Variants in CHIC1 observed in about 807,000 individuals in gnomAD.
CHIC1 encodes the protein cysteine rich hydrophobic domain 1, also known as cysteine-rich hydrophobic domain-containing protein 1.
In CHIC1, 7 loss-of-function variants were observed where a neutral mutation model predicts 18.5. The ratio of observed to expected loss-of-function variants is 0.38; its 90% confidence interval spans 0.22 to 0.71. The LOEUF (loss-of-function observed/expected upper bound fraction) is 0.71. CHIC1 is among the 30% of genes least tolerant of loss of function. CHIC1 has a pLI of 0.49. For synonymous variants in CHIC1, 77 were observed against 73.5 expected, an observed-to-expected ratio of 1.05 and a Z score of -0.25; for missense variants, 159 against 176.9, an observed-to-expected ratio of 0.90 and a Z score of 0.57.
chrX:73,649,181 C>A (rs765197301), intron 3 of CHIC1, among the ~76,000 whole-genome samples: 1 of 111,614 alleles, frequency 9.0e-6, no homozygotes, highest in African/African-American at 3.3e-5. Context: ...GCCTTCCTTG[C>A]AAGAGCTCCT....
At chrX:73,598,037 T>A (rs2057619865) in intron 3 of CHIC1, among the ~76,000 whole-genome samples, 1 of 111,632 alleles carries the variant, frequency 9.0e-6, no homozygotes, top group South Asian at 3.7e-4. Flanking sequence ...GCATTTGGGT[T>A]GGTTCCAAGT....
intron 3 of CHIC1, among the ~76,000 whole-genome samples, chrX:73,670,534 AG>A (rs2058025014): frequency 9.1e-6 from 1 of 110,258 alleles, no homozygotes; most frequent in Non-Finnish European, 1.9e-5. Context: ...GACTAATTTT[AG>A]GTTTGGTTGG....
At chrX:73,659,620 C>G (rs1252990552) in intron 3 of CHIC1, among the ~76,000 whole-genome samples, 1 of 111,148 alleles carries the variant, frequency 9.0e-6, no homozygotes, top group African/African-American at 3.3e-5. Flanking sequence ...AAGAGGCGAA[C>G]CAAGCCTGTC....
At chrX:73,630,733 C>G (rs894911796) in intron 3 of CHIC1, among the ~76,000 whole-genome samples, 4 of 111,831 alleles carry the variant, frequency 3.6e-5, no homozygotes, top group African/African-American at 1.3e-4. Context: ...GCTTTGGTAT[C>G]AGGGTAATGC....
At chrX:73,643,014 C>T (rs1386654020) in intron 3 of CHIC1, among the ~76,000 whole-genome samples, 5 of 111,830 alleles carry the variant, frequency 4.5e-5, no homozygotes, top group African/African-American at 6.5e-5. Context: ...GCCGGTTGTT[C>T]CTTTCCATGT....
intron 3 of CHIC1, among the ~76,000 whole-genome samples, chrX:73,655,603 GTATA>G (rs1293643570): frequency 1.2e-5 from 1 of 83,599 alleles, no homozygotes; most frequent in Non-Finnish European, 2.3e-5. Context: ...ACAATATTGT[GTATA>G]TATAGTGTGT....
intron 3 of CHIC1, among the ~76,000 whole-genome samples, chrX:73,604,456 G>A (rs1415343363): frequency 1.8e-5 from 2 of 108,397 alleles, no homozygotes; most frequent in Non-Finnish European, 3.8e-5. Flanking sequence ...CAAAAAACCA[G>A]TTCCTGGATT....
chrX:73,669,092 C>T (rs2058018002), intron 3 of CHIC1, among the ~76,000 whole-genome samples: 1 of 112,007 alleles, frequency 8.9e-6, no homozygotes, highest in Non-Finnish European at 1.9e-5. Context: ...AAGAAGCAGT[C>T]TGGTCATGCC....
In CHIC1 at chrX:73,632,825, G is replaced by A. The variant is rs778959490; in HGVS notation, c.508-46501G>A. The stretch of plus-strand genomic sequence containing the variant: ...GCTCTGTCACCCAGGCTGGAGTGCA[G>A]TGGCACAATCTCAGCTGACTGCAAG... On this transcript the variant is annotated intron_variant, in intron 3 of 5. Coordinates refer to ENST00000373502, the MANE Select transcript of CHIC1 (RefSeq NM_001039840.4). 2.0e-3 allele frequency among the ~76,000 whole-genome samples: 193 copies of A among 94,993 alleles called. 1 individual carries two copies. Among genetic ancestry groups the A allele is most frequent in the African/African-American group, 7.2e-3 (178 of 24,805 alleles). 82.5% of individuals were successfully genotyped at this position (94,993 alleles called of 115,157 possible).
chrX:73,563,369 TCGTCGTCGC>T lies in CHIC1; in HGVS notation c.94_102del (p.Pro32_Ser34del), dbSNP rs1394164386. 5 of 1,155,766 alleles carry T rather than the reference TCGTCGTCGC, an allele frequency of 4.3e-6. No homozygotes were observed. The highest frequency in any genetic ancestry group is 2.0e-5 in the South Asian group (1 of 50,973). The stretch of plus-strand genomic sequence containing the variant: ...GGAGGAAGAAGAAGCGGCAACGTCG[TCGTCGTCGC>T]CGTCGTCGTCGTCGTCGGTATCTGG... On this transcript the variant is annotated inframe_deletion, in exon 1 of 6. Transcript: ENST00000373502.
At chrX:73,631,679 A>G (rs1218652978) in intron 3 of CHIC1, among the ~76,000 whole-genome samples, 1 of 111,590 alleles carries the variant, frequency 9.0e-6, no homozygotes, top group Non-Finnish European at 1.9e-5. Context: ...ATTTATCACT[A>G]TAAACTTTCC....
At chrX:73,628,244 C>T (rs2057792386) in intron 3 of CHIC1, among the ~76,000 whole-genome samples, 1 of 111,601 alleles carries the variant, frequency 9.0e-6, no homozygotes, top group Non-Finnish European at 1.9e-5. Flanking sequence ...AGCTGTGCAG[C>T]CTGAGTTTAG....
chrX:73,563,334 TGGAGGA>T lies in CHIC1; in HGVS notation c.60_65del (p.Glu23_Glu24del), dbSNP rs773550444. ...GCGGAGTTCGACACCATCTCGGAAC[TGGAGGA>T]GGAGGAGGAAGAAGAAGCGGCAACG... On this transcript the variant is annotated inframe_deletion, in exon 1 of 6. Transcript: ENST00000373502. The T allele has an allele frequency of 2.0e-5, 23 of 1,142,610 alleles. No individual in the cohort carries two copies. The African/African-American group carries it at 4.3e-4, about 21-fold the overall frequency. 94.2% of individuals were successfully genotyped at this position (1,142,610 alleles called of 1,213,427 possible).
rs1213794595 is a variant in CHIC1 at position 73,684,714 on chromosome X, A to G, written c.*3709A>G. ...TTAAAAATATTTTGCAACAACTGTC[A>G]AATTATTTGGGTTCCTTTAAATAGC... On this transcript the variant is annotated 3_prime_UTR_variant, in exon 6 of 6. Coordinates refer to ENST00000373502, the MANE Select transcript of CHIC1 (RefSeq NM_001039840.4). The G allele has an allele frequency of 9.0e-6, 1 of 111,619 alleles. No homozygotes were observed. The highest frequency in any genetic ancestry group is 1.9e-5 in the Non-Finnish European group (1 of 52,902). The allele number at this position is 111,619 out of a possible 1,213,427, so 9.2% of individuals were successfully genotyped here.
intron 1 of CHIC1, among the ~76,000 whole-genome samples, chrX:73,575,726 T>C (rs1413358808): frequency 1.8e-5 from 2 of 110,309 alleles, no homozygotes; most frequent in African/African-American, 6.5e-5. Context: ...TAAGTGAATG[T>C]GAATATTACT....
intron 3 of CHIC1, among the ~76,000 whole-genome samples, chrX:73,598,288 G>C (rs1445673279): frequency 9.3e-6 from 1 of 108,089 alleles, no homozygotes; most frequent in Non-Finnish European, 1.9e-5. Context: ...ATTCTAACTG[G>C]CATGAGATGG....
At chrX:73,563,626 A>G in intron 1 of CHIC1, 46 bp downstream of exon 1, 1 of 1,031,635 alleles carries the variant, frequency 9.7e-7, no homozygotes, top group Non-Finnish European at 1.3e-6. Flanking sequence ...GAGATTTGGC[A>G]ACAGAGGAAT....
intron 3 of CHIC1, among the ~76,000 whole-genome samples, chrX:73,621,407 C>G (rs1037502620): frequency 9.0e-6 from 1 of 111,704 alleles, no homozygotes. Flanking sequence ...TGAAGAGGTC[C>G]TTCACATCCT....
At chrX:73,635,109 T>A (rs1355046524) in intron 3 of CHIC1, among the ~76,000 whole-genome samples, 1 of 111,646 alleles carries the variant, frequency 9.0e-6, no homozygotes, top group East Asian at 2.8e-4. Flanking sequence ...TCTTTAATTT[T>A]TCAAATGTTT....
Sources: allele counts gnomAD v4.1 joint callset (sites outside exome capture counted in the v4.1 genomes callset), GRCh38; gene constraint gnomAD v4.1.1; transcripts MANE v1.5; gene names NCBI Gene and HGNC (gene_info 2026-07-23, HGNC 2026-07-21).